The following DGKG variants were observed in gnomAD, a reference collection of about 807,000 sequenced individuals.
DGKG encodes the protein diacylglycerol kinase gamma.
In DGKG, 78 loss-of-function variants were observed where a neutral mutation model predicts 105.3. That is an observed-to-expected ratio of 0.74 (90% CI 0.62 to 0.89). The LOEUF (loss-of-function observed/expected upper bound fraction) is 0.89, where lower values mean the gene tolerates loss of function less well. Among genes scored for constraint, DGKG ranks in the 40% least tolerant of loss-of-function variants. DGKG has a pLI of 0.00. For synonymous variants in DGKG, 346 were observed against 367.1 expected, an observed-to-expected ratio of 0.94 and a Z score of 0.66; for missense variants, 958 against 1,020.1, an observed-to-expected ratio of 0.94 and a Z score of 0.83.
At chr3:186,265,047 T>C (rs919888997) in intron 14 of DGKG, among the ~76,000 whole-genome samples, 200 bp downstream of exon 14, 3 of 152,234 alleles carry the variant, frequency 2.0e-5, no homozygotes, top group Non-Finnish European at 2.9e-5. Context: ...CAGTCAACCT[T>C]TCCTCTCACC....
chr3:186,169,660 C>G, intron 22 of DGKG, among the ~76,000 whole-genome samples: 1 of 152,222 alleles, frequency 6.6e-6, no homozygotes, highest in East Asian at 1.9e-4. Context: ...TCTACATATA[C>G]TTTCTCCCAC....
chr3:186,346,893 A>G (rs1369946449), intron 1 of DGKG, among the ~76,000 whole-genome samples: 1 of 152,036 alleles, frequency 6.6e-6, no homozygotes, highest in Non-Finnish European at 1.5e-5. Context: ...TTGGCACTCA[A>G]TTTGTTGCAG....
Position 186,167,085 on chromosome 3 carries a change from G to C in DGKG, c.2096-2067C>G, listed in dbSNP as rs531322979. On this transcript the variant is annotated intron_variant, in intron 22 of 24. Transcript: ENST00000265022. ...CTTCCCACACATTACCTTGCTTCCT[G>C]GCTCTAGAAGAGAAGTAATGAAGGC... Among the ~76,000 whole-genome samples the C allele has an allele frequency of 7.2e-5, 11 of 152,258 alleles. No homozygotes were observed. The East Asian group carries it at 2.1e-3, about 29-fold the overall frequency.
At chr3:186,276,703 C>A (rs1021204955) in intron 9 of DGKG, among the ~76,000 whole-genome samples, 2 of 152,342 alleles carry the variant, frequency 1.3e-5, no homozygotes, top group East Asian at 3.9e-4. Flanking sequence ...GGGAACACAG[C>A]ACAGCTTGAG....
rs1347027504 is a variant in DGKG at position 186,149,944 on chromosome 3, G to C, written c.*146C>G. On this transcript the variant is annotated 3_prime_UTR_variant, in exon 25 of 25. Coordinates refer to ENST00000265022, the MANE Select transcript of DGKG (RefSeq NM_001346.3). ...TATGGCAAGGTGACGTTTTCTTCCC[G>C]AAGGGTGGCTTTGCTTCCACTGGTT... 1.4e-6 allele frequency: 2 copies of C among 1,424,270 alleles called. No individual in the cohort carries two copies. The highest frequency in any genetic ancestry group is 2.6e-5 in the East Asian group (1 of 38,194). 88.2% of individuals were successfully genotyped at this position (1,424,270 alleles called of 1,614,324 possible). A position where few individuals can be genotyped will look rare whatever the true frequency, so the allele number is the denominator to read the frequency against.
chr3:186,342,203 T>G (rs1014715657), intron 1 of DGKG, among the ~76,000 whole-genome samples: 4 of 152,182 alleles, frequency 2.6e-5, no homozygotes, highest in Non-Finnish European at 4.4e-5. Flanking sequence ...ATGGGCTGAA[T>G]AGTCTAGACA....
intron 1 of DGKG, among the ~76,000 whole-genome samples, chr3:186,341,524 T>C (rs1190326738): frequency 6.6e-6 from 1 of 152,184 alleles, no homozygotes; most frequent in African/African-American, 2.4e-5. Context: ...GATACCATGA[T>C]ACCATGAATC....
Position 186,253,092 on chromosome 3 carries a change from C to T in DGKG, c.1600+1G>A. 1.2e-6 allele frequency: 2 copies of T among 1,614,072 alleles called. No individual in the cohort carries two copies. The highest frequency in any genetic ancestry group is 1.7e-6 in the Non-Finnish European group (2 of 1,179,910). On this transcript the variant is annotated splice_donor_variant, in intron 18 of 24. Transcript: ENST00000265022. LOFTEE classifies it high-confidence loss of function. Reference sequence around the variant, plus strand: ...GTACCACCATTAGCATGCAAACTCACCTCCTCCCCAGCGGAGACAACGGGC... The same window carrying T: ...GTACCACCATTAGCATGCAAACTCATCTCCTCCCCAGCGGAGACAACGGGC...
At chr3:186,183,513 G>A (rs151166536) in intron 22 of DGKG, among the ~76,000 whole-genome samples, 1 of 143,822 alleles carries the variant, frequency 7.0e-6, no homozygotes, top group Non-Finnish European at 1.5e-5. Context: ...TTGGGGGGGG[G>A]CGGGGTAACT....
chr3:186,307,550 T>A (rs1224303871), intron 2 of DGKG, among the ~76,000 whole-genome samples: 1 of 152,216 alleles, frequency 6.6e-6, no homozygotes, highest in African/African-American at 2.4e-5. Context: ...TACACAACTA[T>A]GTAATAGTGC....
Position 186,335,573 on chromosome 3 carries a change from T to C in DGKG, c.-248-14866A>G, listed in dbSNP as rs535683133. ...GGATGGAAACAACAGTAAGATACTT[T>C]TGCCACCTACCAAATTGTTAACAAC... On this transcript the variant is annotated intron_variant, in intron 1 of 24. Transcript: ENST00000265022. Among the ~76,000 whole-genome samples, 11 of 152,320 alleles carry C rather than the reference T, an allele frequency of 7.2e-5. No homozygotes were observed. In the South Asian group the frequency reaches 1.7e-3, roughly 23 times the overall value.
intron 1 of DGKG, among the ~76,000 whole-genome samples, chr3:186,341,894 T>C (rs1041780722): frequency 6.6e-6 from 1 of 152,152 alleles, no homozygotes; most frequent in African/African-American, 2.4e-5. Context: ...GAAAACATCA[T>C]TCTCAGTAAA....
rs528512498 is a variant in DGKG, at chr3:186,289,822, T to C, written c.374-942A>G. On this transcript the variant is annotated intron_variant, in intron 5 of 24. Coordinates refer to ENST00000265022, the MANE Select transcript of DGKG (RefSeq NM_001346.3). ...GAGGCAGTGGGAGAGACAGCCTTGA[T>C]CGTAATGTCTGTTGAGGAAGGCAAT... Among the ~76,000 whole-genome samples the C allele has an allele frequency of 2.1e-4, 32 of 152,278 alleles. 1 individual carries two copies. The highest frequency in any genetic ancestry group is 2.0e-3 in the Admixed American group (31 of 15,296).
chr3:186,162,536 G>T (rs534815931), intron 23 of DGKG, among the ~76,000 whole-genome samples: 13 of 152,260 alleles, frequency 8.5e-5, no homozygotes, highest in African/African-American at 2.9e-4. Flanking sequence ...CCTCAGTCCT[G>T]GTTTTTGTTT....
At chr3:186,241,963 C>T (rs1052907765) in intron 20 of DGKG, among the ~76,000 whole-genome samples, 3 of 152,118 alleles carry the variant, frequency 2.0e-5, no homozygotes, top group Non-Finnish European at 4.4e-5. Context: ...TAGTGGGTTC[C>T]GGGTCTCCAG....
intron 1 of DGKG, among the ~76,000 whole-genome samples, chr3:186,360,878 T>A (rs927727039): frequency 1.3e-5 from 2 of 152,142 alleles, no homozygotes; most frequent in Non-Finnish European, 2.9e-5. Flanking sequence ...AATAAAGGAA[T>A]GACAAACAGC....
At chr3:186,339,996 C>G (rs1360871495) in intron 1 of DGKG, among the ~76,000 whole-genome samples, 1 of 152,178 alleles carries the variant, frequency 6.6e-6, no homozygotes, top group East Asian at 1.9e-4. Flanking sequence ...ATATAGGTTT[C>G]CCAGGGCCGT....
chr3:186,162,187 C>T (rs926827445), intron 23 of DGKG, among the ~76,000 whole-genome samples: 9 of 152,204 alleles, frequency 5.9e-5, no homozygotes, highest in African/African-American at 9.6e-5. Flanking sequence ...TGAGCCACTG[C>T]GCTCGGCCGG....
chr3:186,179,957 CCT>C (rs989977127), intron 22 of DGKG, among the ~76,000 whole-genome samples: 1 of 152,208 alleles, frequency 6.6e-6, no homozygotes, highest in Non-Finnish European at 1.5e-5. Context: ...TCCATGTGCC[CCT>C]GACTGGGTGC....
Sources: gnomAD v4.1 joint callset for allele counts (sites outside exome capture counted in the v4.1 genomes callset) on GRCh38, gnomAD v4.1.1 for gene constraint, MANE v1.5 for transcripts, NCBI Gene and HGNC (gene_info 2026-07-23, HGNC 2026-07-21) for gene names.